TMEM266: variants seen among roughly 807,000 people sequenced by gnomAD.
The protein encoded by TMEM266 is Hv1 related protein 1.
In TMEM266, 33 loss-of-function variants were observed where a neutral mutation model predicts 50.5. The observed-to-expected ratio is 0.65, with a 90% CI of 0.50 to 0.87. The LOEUF (loss-of-function observed/expected upper bound fraction) is 0.87. Ranked by LOEUF, TMEM266 falls within the 40% of genes least tolerant of loss-of-function variation. TMEM266 has a pLI of 0.00. For missense variants in TMEM266, 655 were observed against 695.1 expected (o/e 0.94, Z 0.65); for synonymous variants, 310 against 292.3 (o/e 1.06, Z -0.62).
intron 1 of TMEM266, among the ~76,000 whole-genome samples, chr15:76,083,649 A>T (rs2036729552): frequency 6.6e-6 from 1 of 152,102 alleles, no homozygotes; most frequent in South Asian, 2.1e-4. Context: ...TAGACCCATC[A>T]CTTCCTTTCT....
intron 8 of TMEM266, among the ~76,000 whole-genome samples, chr15:76,180,607 C>CTT (rs59287886): frequency 0.47 from 29,656 of 63,032 alleles, 6,813 homozygotes; most frequent in Non-Finnish European, 0.53. Context: ...TCATCTTAAG[C>CTT]TTTTTTTTTT....
intron 10 of TMEM266, among the ~76,000 whole-genome samples, chr15:76,202,942 TC>T (rs945831330): frequency 6.6e-6 from 1 of 152,024 alleles, no homozygotes; most frequent in African/African-American, 2.4e-5. Flanking sequence ...TAAGGCCTCA[TC>T]CCTCTTCTCT....
chr15:76,173,820 C>G (rs1309039139), intron 7 of TMEM266, among the ~76,000 whole-genome samples: 1 of 151,838 alleles, frequency 6.6e-6, no homozygotes, highest in Non-Finnish European at 1.5e-5. Flanking sequence ...GTAATCCTAG[C>G]TACTGGGGAG....
intron 1 of TMEM266, among the ~76,000 whole-genome samples, chr15:76,111,150 G>A (rs919936461): frequency 2.6e-5 from 4 of 151,186 alleles, no homozygotes; most frequent in South Asian, 2.1e-4. Context: ...GCACGGTCTC[G>A]GCTCACTGCA....
intron 8 of TMEM266, among the ~76,000 whole-genome samples, chr15:76,180,288 TAGGCTCCTCC>T (rs529815813): frequency 2.2e-4 from 33 of 152,314 alleles, no homozygotes; most frequent in Non-Finnish European, 4.3e-4. Context: ...TCAGTAGGCT[TAGGCTCCTCC>T]TGGCTGTGGC....
chr15:76,148,939 T>C (rs1426874254), intron 3 of TMEM266, among the ~76,000 whole-genome samples: 3 of 152,044 alleles, frequency 2.0e-5, no homozygotes, highest in Non-Finnish European at 4.4e-5. Context: ...AAACTTCAAT[T>C]TATTTAGTTA....
rs1433485196 is a variant in TMEM266, at chr15:76,153,601, G to A, written c.228-3003G>A. 6.6e-6 allele frequency among the ~76,000 whole-genome samples: 1 copy of A among 152,182 alleles called. No homozygotes were observed. ...AGAAAAGACCATGCTAGAGCTGTGG[G>A]GGAGGAGTGAGCAGGCAGAGGGCAG... On this transcript the variant is annotated intron_variant, in intron 3 of 10. Coordinates refer to ENST00000388942, the MANE Select transcript of TMEM266 (RefSeq NM_152335.3). The surrounding 1 kb of genome is among the most constrained non-coding windows in gnomAD (Gnocchi z 4.2).
intron 1 of TMEM266, among the ~76,000 whole-genome samples, chr15:76,123,398 C>A (rs904287): frequency 6.6e-6 from 1 of 152,126 alleles, no homozygotes; most frequent in East Asian, 1.9e-4. Context: ...GTGGCTTCCC[C>A]CTAGGAGCAG....
intron 1 of TMEM266, among the ~76,000 whole-genome samples, chr15:76,096,265 C>T (rs950402187): frequency 6.6e-6 from 1 of 152,068 alleles, no homozygotes; most frequent in Non-Finnish European, 1.5e-5. Context: ...AAATCTCCCT[C>T]TGCACAGTGC....
chr15:76,097,222 A>G (rs1231513662), intron 1 of TMEM266, among the ~76,000 whole-genome samples: 3 of 151,888 alleles, frequency 2.0e-5, no homozygotes, highest in Non-Finnish European at 4.4e-5. Context: ...TGTTCTTTGC[A>G]ATTTGGTATG....
At chr15:76,191,719 G>A (rs2038573280) in intron 8 of TMEM266, 2 of 444,802 alleles carry the variant, frequency 4.5e-6, no homozygotes, top group East Asian at 7.6e-5. Context: ...CCGGGCATCC[G>A]TGAGATGGGG....
rs2037935594 is a variant in TMEM266 at position 76,156,859 on chromosome 15, C to T, written c.382+101C>T. 4.8e-6 allele frequency: 6 copies of T among 1,249,316 alleles called. No homozygotes were observed. In the Admixed American group the frequency reaches 5.6e-5, roughly 12 times the overall value. The allele number at this position is 1,249,316 out of a possible 1,614,324, so 77.4% of individuals were successfully genotyped here. A position where few individuals can be genotyped will look rare whatever the true frequency, so the allele number is the denominator to read the frequency against. On this transcript the variant is annotated intron_variant, in intron 4 of 10. Coordinates refer to ENST00000388942, the MANE Select transcript of TMEM266 (RefSeq NM_152335.3). Reference sequence around the variant, plus strand: ...CCCCAACCTGCAGGCTGTGATCTGCCCCCGCCGATGCTGCTGCCCAGCCTC... The same window carrying T: ...CCCCAACCTGCAGGCTGTGATCTGCTCCCGCCGATGCTGCTGCCCAGCCTC...
At chr15:76,126,126 C>T (rs948102976) in intron 1 of TMEM266, among the ~76,000 whole-genome samples, 2 of 151,792 alleles carry the variant, frequency 1.3e-5, no homozygotes, top group Admixed American at 6.6e-5. Context: ...TAAATTGGTA[C>T]AGCCAGTATG....
chr15:76,090,742 G>A (rs961638843), intron 1 of TMEM266, among the ~76,000 whole-genome samples: 3 of 152,098 alleles, frequency 2.0e-5, no homozygotes, highest in Non-Finnish European at 4.4e-5. Context: ...TTAGAATTGT[G>A]ACTATTAGAA....
At chr15:76,177,203 C>T (rs2038297488) in intron 8 of TMEM266, among the ~76,000 whole-genome samples, 1 of 152,234 alleles carries the variant, frequency 6.6e-6, no homozygotes, top group East Asian at 1.9e-4. Flanking sequence ...GCAGCTCTTC[C>T]CGCTGAAATA....
intron 6 of TMEM266, among the ~76,000 whole-genome samples, chr15:76,170,393 T>TCAGTGCTGGGATCTGACA (rs768364550): frequency 2.6e-5 from 4 of 152,164 alleles, no homozygotes; most frequent in East Asian, 1.9e-4. Flanking sequence ...CCTCTTTGGC[T>TCAGTGCTGGGATCTGACA]CAGTGCTGGG....
chr15:76,095,957 G>T (rs2036915201), intron 1 of TMEM266, among the ~76,000 whole-genome samples: 1 of 151,994 alleles, frequency 6.6e-6, no homozygotes, highest in Non-Finnish European at 1.5e-5. Context: ...TGGGTCAGTG[G>T]TGATATCCCC....
intron 1 of TMEM266, among the ~76,000 whole-genome samples, chr15:76,067,423 A>T (rs958858618): frequency 6.6e-6 from 1 of 151,874 alleles, no homozygotes; most frequent in African/African-American, 2.4e-5. Context: ...AGGGCGGATC[A>T]CCTAAGGTCA....
intron 1 of TMEM266, among the ~76,000 whole-genome samples, chr15:76,117,876 T>G (rs2037274952): frequency 6.6e-6 from 1 of 152,206 alleles, no homozygotes; most frequent in African/African-American, 2.4e-5. Flanking sequence ...GACACTTACT[T>G]AGGCCAGTGA....
Sources: gnomAD v4.1 joint callset for allele counts (sites outside exome capture counted in the v4.1 genomes callset) on GRCh38, gnomAD v4.1.1 for gene constraint, Gnocchi (gnomAD v3.1) non-coding constraint, MANE v1.5 for transcripts, NCBI Gene and HGNC (gene_info 2026-07-23, HGNC 2026-07-21) for gene names.